Variants in GARS1 observed in about 807,000 individuals in gnomAD.
GARS1 encodes glycine--tRNA ligase.
Under a neutral mutation model 86.4 loss-of-function variants are expected in GARS1, and 46 were observed. The observed-to-expected ratio is 0.53, with a 90% CI of 0.42 to 0.68. GARS1 has a LOEUF of 0.68. GARS1 is among the 30% of genes least tolerant of loss of function. GARS1 has a pLI of 0.00. For synonymous variants in GARS1, 342 were observed against 329.8 expected (o/e 1.04, Z -0.40); for missense variants, 797 against 915.6 (o/e 0.87, Z 1.67).
chr7:30,614,613 C>T (rs939243479), intron 8 of GARS1, among the ~76,000 whole-genome samples: 8 of 152,184 alleles, frequency 5.3e-5, no homozygotes, highest in Non-Finnish European at 8.8e-5. Flanking sequence ...CAGTGGCTCA[C>T]GCCTGTAATC....
intron 10 of GARS1, among the ~76,000 whole-genome samples, chr7:30,619,000 A>G (rs1782945107): frequency 6.6e-6 from 1 of 152,150 alleles, no homozygotes; most frequent in Non-Finnish European, 1.5e-5. Context: ...GTATGAGAAA[A>G]GATTATTACT....
Position 30,601,052 on chromosome 7 carries a change from T to A in GARS1, c.428-7T>A. ...TAAAGTATGTGTTTTCCTCTCATAT[T>A]CTATAGGTGTTAGTGGTCTGTATGA... On this transcript the variant is annotated splice_polypyrimidine_tract_variant and splice_region_variant and intron_variant, in intron 3 of 16. Transcript: ENST00000389266. The A allele has an allele frequency of 6.2e-7, 1 of 1,613,798 alleles. No homozygotes were observed. The highest frequency in any genetic ancestry group is 1.1e-5 in the South Asian group (1 of 91,060).
At chr7:30,623,449 G>A (rs1469551999) in intron 12 of GARS1, among the ~76,000 whole-genome samples, 1 of 152,058 alleles carries the variant, frequency 6.6e-6, no homozygotes, top group Non-Finnish European at 1.5e-5. Flanking sequence ...GAAACATTTA[G>A]AGGCAATATC....
intron 12 of GARS1, among the ~76,000 whole-genome samples, chr7:30,624,030 G>A (rs1783073225): frequency 6.6e-6 from 1 of 152,238 alleles, no homozygotes; most frequent in African/African-American, 2.4e-5. Context: ...CCTGCAGGCT[G>A]CATGTGGCCC....
intron 11 of GARS1, chr7:30,621,793 C>T (rs1297772716): frequency 2.0e-6 from 1 of 493,316 alleles, no homozygotes; most frequent in Admixed American, 3.6e-5. Flanking sequence ...CCAAAACGCA[C>T]TTCACACCTG....
chr7:30,629,809 T>G (rs1783201491), intron 14 of GARS1, among the ~76,000 whole-genome samples: 1 of 152,236 alleles, frequency 6.6e-6, no homozygotes, highest in Non-Finnish European at 1.5e-5. Flanking sequence ...AACATAAGGC[T>G]TGGTTCTTTT....
At chr7:30,602,313 G>A (rs947307508) in intron 4 of GARS1, among the ~76,000 whole-genome samples, 1 of 152,070 alleles carries the variant, frequency 6.6e-6, no homozygotes, top group African/African-American at 2.4e-5. Flanking sequence ...TCCTGACCTC[G>A]TGATCCGCCT....
At chr7:30,601,993 A>G (rs937496112) in intron 4 of GARS1, among the ~76,000 whole-genome samples, 2 of 150,762 alleles carry the variant, frequency 1.3e-5, no homozygotes, top group Non-Finnish European at 3.0e-5. Flanking sequence ...CATGTTAGCC[A>G]GGGTGGTCTC....
chr7:30,616,936 A>G (rs1178897264), intron 9 of GARS1, among the ~76,000 whole-genome samples, 178 bp from the exon 10 acceptor site: 1 of 152,262 alleles, frequency 6.6e-6, no homozygotes, highest in Non-Finnish European at 1.5e-5. Context: ...CCATTAAAAA[A>G]TAACCAAGAT....
Position 30,609,741 on chromosome 7 carries a change from C to T in GARS1, c.881+11C>T, listed in dbSNP as rs1305327029. 2 of 1,612,616 alleles carry T rather than the reference C, an allele frequency of 1.2e-6. No individual in the cohort carries two copies. The highest frequency in any genetic ancestry group is 2.2e-5 in the South Asian group (2 of 91,032). ...AGGAAACATGCCTGGGTATGTATCA[C>T]TTATTGTTTACCTGTTTATGTAATG... On this transcript the variant is annotated intron_variant, in intron 7 of 16. Transcript: ENST00000389266.
At chr7:30,631,676 T>TAG (rs1293559209) in intron 15 of GARS1, 135 bp downstream of exon 15, 20 of 693,704 alleles carry the variant, frequency 2.9e-5, no homozygotes, top group Non-Finnish European at 4.6e-5. Context: ...GTACATGATT[T>TAG]TAGCCTGTAC....
At position 30,626,251 on chromosome 7, in the gene GARS1, C is replaced by T; in HGVS notation, c.1631C>T (p.Thr544Ile). Reference sequence around the variant, plus strand: ...CTTCGTAGGGAATTCACAATTGAAACTGAAGGGAAAACATTTCAGTTAACA... The same window carrying T: ...CTTCGTAGGGAATTCACAATTGAAATTGAAGGGAAAACATTTCAGTTAACA... Reference protein sequence around the residue: ...LNEKGEFTIETEGKTFQLTKD... With the variant: ...LNEKGEFTIEIEGKTFQLTKD... Residue 544 changes from threonine (T) to isoleucine (I), a missense_variant, in exon 13 of 17, where the codon ACT becomes ATT. This residue lies in a region of GARS1 where 598 missense variants were observed against 738.7 expected (regional missense o/e 0.81). Transcript: ENST00000389266. 6.2e-7 allele frequency: 1 copy of T among 1,606,744 alleles called. No homozygotes were observed. The highest frequency in any genetic ancestry group is 8.5e-7 in the Non-Finnish European group (1 of 1,173,494).
chr7:30,614,801 G>A (rs1467116473), intron 8 of GARS1, among the ~76,000 whole-genome samples: 4 of 151,618 alleles, frequency 2.6e-5, no homozygotes, highest in South Asian at 2.1e-4. Flanking sequence ...GCGTGAACCC[G>A]GGAGGCGGAG....
upstream of GARS1, chr7:30,594,853 T>C: frequency 2.2e-6 from 3 of 1,352,658 alleles, no homozygotes; most frequent in Non-Finnish European, 3.0e-6. Context: ...GATTTCATCA[T>C]GCTCCGAGCC....
chr7:30,617,433 C>T (rs1782911718), intron 10 of GARS1, among the ~76,000 whole-genome samples, 155 bp downstream of exon 10: 1 of 152,164 alleles, frequency 6.6e-6, no homozygotes, highest in Non-Finnish European at 1.5e-5. Flanking sequence ...TTGCCTCCTG[C>T]CTTTTTATAA....
chr7:30,632,071 A>G lies in GARS1; in HGVS notation c.1904-176A>G. ...GATGGAGGTATGAGTGAAGATTTGG[A>G]TTCCCGCAAGGGATTTATTAAACTT... On this transcript the variant is annotated intron_variant, in intron 15 of 16. Transcript: ENST00000389266. The surrounding 1 kb of genome is among the most constrained non-coding windows in gnomAD (Gnocchi z 4.1). 1.5e-6 allele frequency: 1 copy of G among 663,236 alleles called. No individual in the cohort carries two copies. Among genetic ancestry groups the G allele is most frequent in the Non-Finnish European group, 2.6e-6 (1 of 380,128 alleles). The allele number at this position is 663,236 out of a possible 1,614,324, so 41.1% of individuals were successfully genotyped here.
chr7:30,614,897 C>G (rs1162622386), intron 8 of GARS1, among the ~76,000 whole-genome samples: 1 of 151,790 alleles, frequency 6.6e-6, no homozygotes, highest in Non-Finnish European at 1.5e-5. Flanking sequence ...AAAATTAAAC[C>G]TCTTTTGCAG....
intron 10 of GARS1, among the ~76,000 whole-genome samples, chr7:30,619,066 A>G (rs1452270245): frequency 6.6e-6 from 1 of 152,208 alleles, no homozygotes; most frequent in Non-Finnish European, 1.5e-5. Context: ...TTCTGATTTC[A>G]GATTAAACCA....
Position 30,628,643 on chromosome 7 carries a change from G to A in GARS1, c.1783G>A (p.Val595Ile). ...TACGGTATTTGAACATACATTCCATGTACGAGAAGGAGATGAACAGAGAAC... is the reference window on the plus strand; with the variant it reads ...TACGGTATTTGAACATACATTCCATATACGAGAAGGAGATGAACAGAGAAC... ...MYTVFEHTFH[V>I]REGDEQRTFF... Residue 595 changes from valine to isoleucine, a missense_variant, in exon 14 of 17, where the codon GTA becomes ATA. Around this residue, in one of 2 missense-constraint regions of GARS1, gnomAD observed 598 missense variants for 738.7 expected, o/e 0.81. Coordinates refer to ENST00000389266, the MANE Select transcript of GARS1 (RefSeq NM_002047.4). 1 of 1,611,446 alleles carries A rather than the reference G, an allele frequency of 6.2e-7. No homozygotes were observed.
Sources: allele counts gnomAD v4.1 joint callset (sites outside exome capture counted in the v4.1 genomes callset), GRCh38; gene constraint gnomAD v4.1.1; regional missense constraint gnomAD v4.1.1; non-coding constraint Gnocchi (gnomAD v3.1); transcripts MANE v1.5; gene names NCBI Gene and HGNC (gene_info 2026-07-23, HGNC 2026-07-21).